The following SPOCK3 variants were observed in gnomAD, a reference collection of about 807,000 sequenced individuals.
SPOCK3 encodes testican-3.
SPOCK3 carries 30 observed loss-of-function variants against 56.6 expected under a neutral mutation model. The observed-to-expected ratio is 0.53, with a 90% CI of 0.40 to 0.72. The LOEUF is 0.72. Among genes scored for constraint, SPOCK3 ranks in the 30% least tolerant of loss-of-function variants. The pLI is 0.00. For synonymous variants in SPOCK3, 196 were observed against 183.3 expected, an observed-to-expected ratio of 1.07 and a Z score of -0.56; for missense variants, 527 against 530.0, an observed-to-expected ratio of 0.99 and a Z score of 0.06.
chr4:167,134,035 T>C (rs1762911727), intron 2 of SPOCK3, among the ~76,000 whole-genome samples: 1 of 142,876 alleles, frequency 7.0e-6, no homozygotes, highest in South Asian at 2.3e-4. Flanking sequence ...TTTTTTTTTT[T>C]TTTTTTTTTT....
At chr4:166,765,547 T>A (rs1486697372) in intron 7 of SPOCK3, among the ~76,000 whole-genome samples, 2 of 152,188 alleles carry the variant, frequency 1.3e-5, no homozygotes. Flanking sequence ...TTGGTCTATA[T>A]CTCTGTTTTG....
chr4:167,142,229 T>C (rs1763595840), intron 2 of SPOCK3, among the ~76,000 whole-genome samples: 1 of 151,780 alleles, frequency 6.6e-6, no homozygotes, highest in Non-Finnish European at 1.5e-5. Context: ...AGCCACAAAA[T>C]AGAGAAAACT....
chr4:166,993,734 T>C (rs1419787375), intron 4 of SPOCK3, among the ~76,000 whole-genome samples: 1 of 152,136 alleles, frequency 6.6e-6, no homozygotes, highest in Non-Finnish European at 1.5e-5. Flanking sequence ...CACTATAATA[T>C]TCGTGGGTTA....
chr4:167,208,073 A>G (rs991016287), intron 2 of SPOCK3, among the ~76,000 whole-genome samples: 3 of 152,072 alleles, frequency 2.0e-5, no homozygotes, highest in Admixed American at 6.6e-5. Flanking sequence ...CAGATTCCTA[A>G]GTATTTGGCA....
At chr4:166,752,509 G>A (rs928527726) in intron 8 of SPOCK3, among the ~76,000 whole-genome samples, 4 of 151,334 alleles carry the variant, frequency 2.6e-5, no homozygotes, top group African/African-American at 9.7e-5. Flanking sequence ...TTGAGAGCGA[G>A]AGCTCTATAT....
At chr4:166,808,179 GTTTC>G (rs1743377539) in intron 6 of SPOCK3, among the ~76,000 whole-genome samples, 2 of 151,998 alleles carry the variant, frequency 1.3e-5, no homozygotes, top group Admixed American at 6.6e-5. Context: ...CTTTGTTTTT[GTTTC>G]TTTGTTTGTG....
chr4:166,789,814 T>C (rs1035843568), intron 7 of SPOCK3, among the ~76,000 whole-genome samples: 9 of 152,178 alleles, frequency 5.9e-5, no homozygotes, highest in Non-Finnish European at 1.2e-4. Context: ...AAAAGTTAAC[T>C]CTCATGTCTT....
chr4:167,138,049 G>A (rs1003701769), intron 2 of SPOCK3, among the ~76,000 whole-genome samples: 3 of 151,488 alleles, frequency 2.0e-5, no homozygotes, highest in African/African-American at 7.3e-5. Context: ...GACTCTAATA[G>A]TATTTCAAAT....
chr4:167,199,189 A>G (rs992719253), intron 2 of SPOCK3, among the ~76,000 whole-genome samples: 4 of 151,804 alleles, frequency 2.6e-5, no homozygotes, highest in African/African-American at 9.7e-5. Flanking sequence ...TCAAGGAAGT[A>G]TATTAGTTAT....
chr4:167,160,285 T>C (rs1477273894), intron 2 of SPOCK3, among the ~76,000 whole-genome samples: 1 of 152,104 alleles, frequency 6.6e-6, no homozygotes, highest in African/African-American at 2.4e-5. Context: ...TGAACTCCCA[T>C]TCACAATTGC....
chr4:166,979,932 C>T (rs1746388897), intron 4 of SPOCK3, among the ~76,000 whole-genome samples: 1 of 152,212 alleles, frequency 6.6e-6, no homozygotes, highest in African/African-American at 2.4e-5. Flanking sequence ...TAGATTCTTG[C>T]TCCCCTTCCC....
At chr4:166,890,149 T>A (rs1734623051) in intron 5 of SPOCK3, among the ~76,000 whole-genome samples, 1 of 151,986 alleles carries the variant, frequency 6.6e-6, no homozygotes, top group Non-Finnish European at 1.5e-5. Flanking sequence ...AGCATGCCTC[T>A]CTTCGGTGCT....
chr4:167,013,071 A>G (rs1308070470), intron 3 of SPOCK3, among the ~76,000 whole-genome samples: 1 of 152,040 alleles, frequency 6.6e-6, no homozygotes, highest in African/African-American at 2.4e-5. Flanking sequence ...TATAAAATCC[A>G]TGTACTCTAA....
At chr4:166,938,787 T>C (rs1740738035) in intron 4 of SPOCK3, among the ~76,000 whole-genome samples, 1 of 152,066 alleles carries the variant, frequency 6.6e-6, no homozygotes, top group South Asian at 2.1e-4. Flanking sequence ...TATACATATA[T>C]AGTAATCATA....
intron 4 of SPOCK3, among the ~76,000 whole-genome samples, chr4:166,952,682 G>T (rs1401301115): frequency 1.9e-4 from 29 of 152,022 alleles, no homozygotes; most frequent in African/African-American, 4.1e-4. Context: ...GACTTCAAAC[G>T]ATACTACAAG....
intron 2 of SPOCK3, among the ~76,000 whole-genome samples, chr4:167,099,755 T>C (rs1759473252): frequency 6.6e-6 from 1 of 152,166 alleles, no homozygotes; most frequent in South Asian, 2.1e-4. Context: ...TGGCATTTAA[T>C]GGACTTCAGT....
At chr4:167,102,992 G>C (rs1759794376) in intron 2 of SPOCK3, among the ~76,000 whole-genome samples, 1 of 144,830 alleles carries the variant, frequency 6.9e-6, no homozygotes, top group African/African-American at 2.6e-5. Context: ...GAAGAGTAAA[G>C]AGGACTTTGT....
intron 3 of SPOCK3, among the ~76,000 whole-genome samples, chr4:167,041,534 A>T (rs1465588404): frequency 6.6e-6 from 1 of 152,180 alleles, no homozygotes; most frequent in African/African-American, 2.4e-5. Context: ...CTTGTGTTAG[A>T]ATTAGCAACA....
intron 2 of SPOCK3, among the ~76,000 whole-genome samples, chr4:167,106,197 G>C (rs547925125): frequency 1.3e-4 from 20 of 151,814 alleles, no homozygotes; most frequent in African/African-American, 4.8e-4. Context: ...TCAACACATG[G>C]ATCATTCTCA....
Sources: allele counts gnomAD v4.1 joint callset (sites outside exome capture counted in the v4.1 genomes callset), GRCh38; gene constraint gnomAD v4.1.1; transcripts MANE v1.5; gene names NCBI Gene and HGNC (gene_info 2026-07-23, HGNC 2026-07-21).